Variants in ZNF704 observed in about 807,000 individuals in gnomAD.
ZNF704 encodes the protein glucocorticoid induced gene 1.
A neutral mutation model predicts 44.7 loss-of-function variants in ZNF704; 10 were observed. The observed-to-expected ratio is 0.22, with a 90% CI of 0.14 to 0.38. The LOEUF is 0.38. ZNF704 is among the 10% of genes least tolerant of loss of function. The pLI, the probability that ZNF704 is intolerant of heterozygous loss-of-function variation, is 1.00. For synonymous variants in ZNF704, 211 were observed against 207.6 expected (o/e 1.02, Z -0.14); for missense variants, 390 against 545.5 (o/e 0.71, Z 2.84).
intron 1 of ZNF704, among the ~76,000 whole-genome samples, chr8:80,843,621 C>T (rs189141682): frequency 7.9e-5 from 12 of 152,314 alleles, no homozygotes; most frequent in African/African-American, 2.9e-4. Flanking sequence ...CTGTGTAACA[C>T]ACAATTTTAA....
intron 2 of ZNF704, among the ~76,000 whole-genome samples, chr8:80,752,161 A>C (rs1051975121): frequency 3.3e-5 from 5 of 152,212 alleles, no homozygotes; most frequent in African/African-American, 1.2e-4. Context: ...TTCAATGTTA[A>C]TACATTCAAC....
chr8:80,830,313 G>C (rs577510300), intron 1 of ZNF704, among the ~76,000 whole-genome samples: 1 of 152,262 alleles, frequency 6.6e-6, no homozygotes, highest in South Asian at 2.1e-4. Flanking sequence ...AGGTGACAAG[G>C]CTCATCCAGT....
intron 2 of ZNF704, among the ~76,000 whole-genome samples, chr8:80,781,597 A>G (rs1807524453): frequency 1.3e-5 from 2 of 152,332 alleles, no homozygotes; most frequent in South Asian, 4.2e-4. Flanking sequence ...TTTAAATGTT[A>G]GGGCTGAGAA....
chr8:80,643,518 A>C (rs1457289352), intron 7 of ZNF704, among the ~76,000 whole-genome samples: 5 of 110,486 alleles, frequency 4.5e-5, no homozygotes, highest in Non-Finnish European at 7.0e-5. Flanking sequence ...TCCTGTCTCA[A>C]AAAAAAAAAA....
chr8:80,653,903 C>G (rs1025951042), intron 7 of ZNF704, among the ~76,000 whole-genome samples: 4 of 152,092 alleles, frequency 2.6e-5, no homozygotes, highest in African/African-American at 7.2e-5. Context: ...GCCAAAAGAA[C>G]AAAGCTGGAG....
intron 2 of ZNF704, among the ~76,000 whole-genome samples, chr8:80,801,169 C>T (rs1487423409): frequency 6.6e-6 from 1 of 152,146 alleles, no homozygotes; most frequent in Admixed American, 6.5e-5. Flanking sequence ...ATTCATAAAG[C>T]AAGTTCTTAG....
rs1337428297 is a variant in ZNF704 at position 80,739,574 on chromosome 8, T to A, written c.222-46467A>T. 6.6e-5 allele frequency among the ~76,000 whole-genome samples: 10 copies of A among 152,336 alleles called. No individual in the cohort carries two copies. The East Asian group carries it at 1.9e-3, about 29-fold the overall frequency. On this transcript the variant is annotated intron_variant, in intron 2 of 8. Coordinates refer to ENST00000327835, the MANE Select transcript of ZNF704 (RefSeq NM_001033723.3). ...AAAACATTTTTCTTCTCTTCAGTCT[T>A]CTAGCAAGAAAGTATGCTTGGAAGA... is the stretch of plus-strand genomic sequence containing the variant.
intron 2 of ZNF704, among the ~76,000 whole-genome samples, chr8:80,796,973 G>A (rs1283251001): frequency 7.1e-6 from 1 of 139,932 alleles, no homozygotes; most frequent in Non-Finnish European, 1.6e-5. Context: ...GAAAGGGAGG[G>A]AGGGAGGGAG....
chr8:80,693,478 G>C (rs1471344467), intron 2 of ZNF704, among the ~76,000 whole-genome samples: 1 of 152,308 alleles, frequency 6.6e-6, no homozygotes, highest in East Asian at 1.9e-4. Context: ...AAACAAACAA[G>C]CTAGGAGGAA....
At chr8:80,844,583 G>A (rs1486891876) in intron 1 of ZNF704, among the ~76,000 whole-genome samples, 2 of 152,110 alleles carry the variant, frequency 1.3e-5, no homozygotes, top group Admixed American at 6.6e-5. Context: ...AACCAGATAG[G>A]GCGGAGCAGG....
rs1431502919 is a variant in ZNF704 at position 80,632,982 on chromosome 8, G to C, written c.*8384C>G. 4 of 137,894 alleles carry C rather than the reference G, an allele frequency of 2.9e-5. No individual in the cohort carries two copies. The highest frequency in any genetic ancestry group is 1.4e-4 in the African/African-American group (4 of 27,936). The allele number at this position is 137,894 out of a possible 1,614,324, so 8.5% of individuals were successfully genotyped here. ...CTCCTTCTAGCTCCACAACCCAACT[G>C]CCTGTGAATGACTTTACACTCAAGA... On this transcript the variant is annotated 3_prime_UTR_variant, in exon 9 of 9. Coordinates refer to ENST00000327835, the MANE Select transcript of ZNF704 (RefSeq NM_001033723.3).
At chr8:80,720,047 T>C (rs1323232029) in intron 2 of ZNF704, among the ~76,000 whole-genome samples, 1 of 152,222 alleles carries the variant, frequency 6.6e-6, no homozygotes, top group Admixed American at 6.5e-5. Flanking sequence ...AGCTATTAAA[T>C]GGCAAAGCCA....
chr8:80,839,178 C>T (rs890367315), intron 1 of ZNF704, among the ~76,000 whole-genome samples: 2 of 152,210 alleles, frequency 1.3e-5, no homozygotes, highest in African/African-American at 4.8e-5. Flanking sequence ...TAACCTAACG[C>T]CTCTAATTCC....
chr8:80,647,377 CG>C (rs1027450529), intron 7 of ZNF704, among the ~76,000 whole-genome samples: 2 of 152,120 alleles, frequency 1.3e-5, no homozygotes, highest in African/African-American at 2.4e-5. Flanking sequence ...GGAGAGGAGA[CG>C]GAAGTATCAA....
At chr8:80,728,820 G>A (rs1806527994) in intron 2 of ZNF704, among the ~76,000 whole-genome samples, 1 of 152,110 alleles carries the variant, frequency 6.6e-6, no homozygotes, top group Non-Finnish European at 1.5e-5. Flanking sequence ...ATCCTCCTGA[G>A]TCCCAGCTTC....
chr8:80,873,941 G>A (rs1019855580), intron 1 of ZNF704, among the ~76,000 whole-genome samples: 27 of 146,718 alleles, frequency 1.8e-4, no homozygotes, highest in African/African-American at 6.1e-4. Flanking sequence ...CCCGGGTAGG[G>A]CGGCTTCCTT....
At chr8:80,794,559 A>G (rs561185017) in intron 2 of ZNF704, among the ~76,000 whole-genome samples, 2 of 152,328 alleles carry the variant, frequency 1.3e-5, no homozygotes, top group South Asian at 2.1e-4. Flanking sequence ...AAGAAACCAA[A>G]AAGTTACTTT....
At chr8:80,839,148 AT>A (rs1186415789) in intron 1 of ZNF704, among the ~76,000 whole-genome samples, 1 of 152,224 alleles carries the variant, frequency 6.6e-6, no homozygotes, top group Non-Finnish European at 1.5e-5. Flanking sequence ...ACTTCTTTCA[AT>A]AAAAATAACT....
chr8:80,680,178 G>A (rs1418686238), intron 4 of ZNF704, among the ~76,000 whole-genome samples: 1 of 152,108 alleles, frequency 6.6e-6, no homozygotes, highest in Non-Finnish European at 1.5e-5. Context: ...TTCCAAGAGT[G>A]GAAACATGGC....
Sources: allele counts gnomAD v4.1 joint callset (sites outside exome capture counted in the v4.1 genomes callset), GRCh38; gene constraint gnomAD v4.1.1; transcripts MANE v1.5; gene names NCBI Gene and HGNC (gene_info 2026-07-23, HGNC 2026-07-21).